Variants in LSM8 observed in about 807,000 individuals in gnomAD.
LSM8 encodes LSM8 homolog, U6 small nuclear RNA associated.
Under a neutral mutation model 15.0 loss-of-function variants are expected in LSM8, and 14 were observed. The ratio of observed to expected loss-of-function variants is 0.93; its 90% CI spans 0.62 to 1.46. The LOEUF is 1.46. Among genes scored for constraint, LSM8 ranks in the 40% most tolerant of loss-of-function variants. The pLI is 0.00. For missense variants in LSM8, 90 were observed against 115.4 expected (o/e 0.78, Z 1.01); for synonymous variants, 50 against 42.1 (o/e 1.19, Z -0.73).
intron 3 of LSM8, 134 bp downstream of exon 3, chr7:118,188,539 T>C (rs1427174011): frequency 3.9e-6 from 3 of 770,140 alleles, no homozygotes; most frequent in East Asian, 3.0e-5. Flanking sequence ...TTCGTAAATA[T>C]ACCTTTTCTT....
rs557702296 is a variant in LSM8, at chr7:118,203,411, C to T, written c.*11409C>T. On this transcript the variant is annotated 3_prime_UTR_variant, in exon 4 of 4. Transcript: ENST00000249299. ...GTCCTAATATCCAATATTAATAGAG[C>T]TGTGATTATTCAAGCTGTAGACTTA... 6.6e-6 allele frequency among the ~76,000 whole-genome samples: 1 copy of T among 151,710 alleles called. No individual in the cohort carries two copies. The highest frequency in any genetic ancestry group is 2.1e-4 in the South Asian group (1 of 4,812).
rs532832025 is a variant in LSM8, at chr7:118,194,625, A to G, written c.*2623A>G. Among the ~76,000 whole-genome samples, 5 of 152,310 alleles carry G rather than the reference A, an allele frequency of 3.3e-5. No individual in the cohort carries two copies. The highest frequency in any genetic ancestry group is 1.2e-4 in the African/African-American group (5 of 41,572). ...ATGATAAAAACAACTTTTAAATGGTATTTAATGCAAATACAGAATAACGAT... is the reference window on the plus strand; with the variant it reads ...ATGATAAAAACAACTTTTAAATGGTGTTTAATGCAAATACAGAATAACGAT... On this transcript the variant is annotated 3_prime_UTR_variant, in exon 4 of 4. Coordinates refer to ENST00000249299, the MANE Select transcript of LSM8 (RefSeq NM_016200.5).
rs1809130481 is a variant in LSM8 at position 118,199,237 on chromosome 7, C to T, written c.*7235C>T. Among the ~76,000 whole-genome samples the T allele has an allele frequency of 6.6e-6, 1 of 152,014 alleles. No homozygotes were observed. The highest frequency in any genetic ancestry group is 1.5e-5 in the Non-Finnish European group (1 of 68,018). On this transcript the variant is annotated 3_prime_UTR_variant, in exon 4 of 4. Transcript: ENST00000249299. ...TGAACCTCAGTATGATCTTGGGGAC[C>T]CCCAACTCACTATCTAAATAAAATT...
intron 3 of LSM8, chr7:118,189,336 T>G (rs1390996507): frequency 6.6e-6 from 1 of 151,578 alleles, no homozygotes; most frequent in Non-Finnish European, 1.5e-5. Context: ...GTGGATCACT[T>G]GAGGTCAGGA....
At chr7:118,184,532 C>G (rs1808851143) in intron 1 of LSM8, 1 of 358,392 alleles carries the variant, frequency 2.8e-6, no homozygotes, top group Non-Finnish European at 5.0e-6. Flanking sequence ...GCTCTTGATT[C>G]TTACTTACTA....
rs1325510038 is a variant in LSM8, at chr7:118,197,663, A to G, written c.*5661A>G. 6.6e-6 allele frequency among the ~76,000 whole-genome samples: 1 copy of G among 152,198 alleles called. No individual in the cohort carries two copies. Among genetic ancestry groups the G allele is most frequent in the Non-Finnish European group, 1.5e-5 (1 of 68,034 alleles). ...TCTGACTTGGATAAGCTTTATTTTA[A>G]TTGTGATTCTGCTAATTACAGAGAC... On this transcript the variant is annotated 3_prime_UTR_variant, in exon 4 of 4. Transcript: ENST00000249299.
intron 2 of LSM8, among the ~76,000 whole-genome samples, chr7:118,185,906 A>G (rs571246008): frequency 2.2e-4 from 34 of 152,158 alleles, no homozygotes; most frequent in Non-Finnish European, 3.7e-4. Context: ...GAGCTAGAAT[A>G]ATAGATTCTG....
chr7:118,188,018 G>T (rs1371836331), intron 2 of LSM8, among the ~76,000 whole-genome samples: 1 of 152,164 alleles, frequency 6.6e-6, no homozygotes, highest in Non-Finnish European at 1.5e-5. Flanking sequence ...AGTCACATTA[G>T]TACATAGGTG....
At position 118,193,630 on chromosome 7, in the gene LSM8, AATG is replaced by A. The variant is rs959772974; in HGVS notation, c.*1632_*1634del. 6.6e-6 allele frequency among the ~76,000 whole-genome samples: 1 copy of A among 152,076 alleles called. No individual in the cohort carries two copies. The highest frequency in any genetic ancestry group is 2.4e-5 in the African/African-American group (1 of 41,420). On this transcript the variant is annotated 3_prime_UTR_variant, in exon 4 of 4. Coordinates refer to ENST00000249299, the MANE Select transcript of LSM8 (RefSeq NM_016200.5). ...TGTTTTATAATCAATTTATTAATAA[AATG>A]ATGGAAAGTGGGTAAGGCAAACAGG...
chr7:118,190,871 G>A (rs907452085), intron 3 of LSM8: 1 of 152,168 alleles, frequency 6.6e-6, no homozygotes, highest in African/African-American at 2.4e-5. Flanking sequence ...TTGGGAGGCT[G>A]AGGCTGGCGA....
Position 118,203,811 on chromosome 7 carries a change from C to T in LSM8, c.*11809C>T, listed in dbSNP as rs1019036703. Among the ~76,000 whole-genome samples the T allele has an allele frequency of 1.3e-5, 2 of 151,562 alleles. No homozygotes were observed. The highest frequency in any genetic ancestry group is 4.8e-5 in the African/African-American group (2 of 41,314). On this transcript the variant is annotated 3_prime_UTR_variant, in exon 4 of 4. Transcript: ENST00000249299. ...CACATGTATATTATAATATACTCAT[C>T]CTTTATATTTATCATGCTTTTTTGA...
At chr7:118,184,783 A>G (rs773812540) in intron 1 of LSM8, 2 of 152,316 alleles carry the variant, frequency 1.3e-5, no homozygotes, top group Non-Finnish European at 2.9e-5. Flanking sequence ...GGAGCAAGTA[A>G]CAACCCCATG....
rs746451499 is a variant in LSM8, at chr7:118,185,650, T to C, written c.32-4T>C. On this transcript the variant is annotated splice_region_variant and splice_polypyrimidine_tract_variant and intron_variant, in intron 1 of 3. Coordinates refer to ENST00000249299, the MANE Select transcript of LSM8 (RefSeq NM_016200.5). Reference sequence around the variant, plus strand: ...AGAAACACTTTCTTTGATTCAGTTATCAGGAACTGTTGCCGTTATTACATC... The same window carrying C: ...AGAAACACTTTCTTTGATTCAGTTACCAGGAACTGTTGCCGTTATTACATC... The C allele has an allele frequency of 2.1e-5, 34 of 1,608,108 alleles. No homozygotes were observed. In the East Asian group the frequency reaches 6.5e-4, roughly 31 times the overall value.
rs1430247686 is a variant in LSM8, at chr7:118,195,649, C to A, written c.*3647C>A. Among the ~76,000 whole-genome samples the A allele has an allele frequency of 6.6e-6, 1 of 152,090 alleles. No individual in the cohort carries two copies. Among genetic ancestry groups the A allele is most frequent in the Non-Finnish European group, 1.5e-5 (1 of 68,024 alleles). ...TGAAAGTGTAAACTCAAAGGTCTTT[C>A]ACATGTAAAGAGGAACCTCTCCATT... On this transcript the variant is annotated 3_prime_UTR_variant, in exon 4 of 4. Coordinates refer to ENST00000249299, the MANE Select transcript of LSM8 (RefSeq NM_016200.5).
rs1808993950 is a variant in LSM8, at chr7:118,192,168, T to A, written c.*166T>A. The A allele has an allele frequency of 1.4e-5, 6 of 425,842 alleles. No homozygotes were observed. In the South Asian group the frequency reaches 4.4e-4, roughly 31 times the overall value. The allele number at this position is 425,842 out of a possible 1,614,324, so 26.4% of individuals were successfully genotyped here. ...CTACATTTTATTGAAAAAAAAACCT[T>A]TTTTTTTGCCTAAATATAAGTTTGG... On this transcript the variant is annotated 3_prime_UTR_variant, in exon 4 of 4. Coordinates refer to ENST00000249299, the MANE Select transcript of LSM8 (RefSeq NM_016200.5).
chr7:118,201,318 TAG>T lies in LSM8; in HGVS notation c.*9323_*9324del, dbSNP rs1809170272. ...GAGCCTGGAGCTGCCATGGAGCATG[TAG>T]AGAGAGTCTCCTAGTTGATACCAAC... On this transcript the variant is annotated 3_prime_UTR_variant, in exon 4 of 4. Coordinates refer to ENST00000249299, the MANE Select transcript of LSM8 (RefSeq NM_016200.5). Among the ~76,000 whole-genome samples the T allele has an allele frequency of 6.6e-6, 1 of 151,980 alleles. No homozygotes were observed. Among genetic ancestry groups the T allele is most frequent in the African/African-American group, 2.4e-5 (1 of 41,388 alleles).
intron 2 of LSM8, among the ~76,000 whole-genome samples, chr7:118,185,943 C>A (rs1319050056): frequency 2.6e-5 from 4 of 152,134 alleles, no homozygotes; most frequent in African/African-American, 7.2e-5. Context: ...AGTCTGTAGA[C>A]CTTTATTAAA....
At chr7:118,190,758 G>A (rs1808964605) in intron 3 of LSM8, 1 of 152,058 alleles carries the variant, frequency 6.6e-6, no homozygotes, top group Non-Finnish European at 1.5e-5. Context: ...GATGATTTAA[G>A]ACTTTATATA....
Position 118,195,424 on chromosome 7 carries a change from T to C in LSM8, c.*3422T>C, listed in dbSNP as rs1394688287. Among the ~76,000 whole-genome samples, 1 of 152,204 alleles carries C rather than the reference T, an allele frequency of 6.6e-6. No homozygotes were observed. The highest frequency in any genetic ancestry group is 1.9e-4 in the East Asian group (1 of 5,206). ...AACAGCTATTTAATACTATTCCAGG[T>C]AGTCAAAGGCCAATGTATAAAAGTT... On this transcript the variant is annotated 3_prime_UTR_variant, in exon 4 of 4. Transcript: ENST00000249299.
Sources: gnomAD v4.1 joint callset for allele counts (sites outside exome capture counted in the v4.1 genomes callset) on GRCh38, gnomAD v4.1.1 for gene constraint, MANE v1.5 for transcripts, NCBI Gene and HGNC (gene_info 2026-07-23, HGNC 2026-07-21) for gene names.